MCC: variants seen among roughly 807,000 people sequenced by gnomAD.
MCC encodes the protein colorectal mutant cancer protein.
A neutral mutation model predicts 116.2 loss-of-function variants in MCC; 90 were observed. The observed-to-expected ratio is 0.77, with a 90% CI of 0.65 to 0.92. MCC has a LOEUF of 0.92. Ranked by LOEUF, MCC falls within the 40% of genes least tolerant of loss-of-function variation. The probability of loss-of-function intolerance (pLI) is 0.00; values close to 1 mark genes in which losing one functional copy is unlikely to be tolerated. For synonymous variants in MCC, 578 were observed against 510.5 expected, an observed-to-expected ratio of 1.13 and a Z score of -1.78; for missense variants, 1,516 against 1,312.2, an observed-to-expected ratio of 1.16 and a Z score of -2.40.
At chr5:113,213,089 C>T (rs1763189389) in intron 3 of MCC, among the ~76,000 whole-genome samples, 1 of 152,190 alleles carries the variant, frequency 6.6e-6, no homozygotes, top group Admixed American at 6.5e-5. Context: ...CTGTTTTCTA[C>T]AGGATTTTGA....
chr5:113,412,204 G>A (rs550093127), intron 1 of MCC, among the ~76,000 whole-genome samples: 57 of 152,248 alleles, frequency 3.7e-4, no homozygotes, highest in African/African-American at 1.3e-3. Flanking sequence ...GTCAGGTAGC[G>A]TGATGCCTCT....
In MCC at chr5:113,103,346, T is replaced by G. The variant is rs539769834; in HGVS notation, c.1191+846A>C. ...GTCCCTAGCTGGTTGGTAGAGGCCC[T>G]TGGCCTCCTCCTTCCCTCTCAACTC... On this transcript the variant is annotated intron_variant, in intron 7 of 18. Transcript: ENST00000408903. Among the ~76,000 whole-genome samples, 35 of 152,308 alleles carry G rather than the reference T, an allele frequency of 2.3e-4. No individual in the cohort carries two copies. In the South Asian group the frequency reaches 5.8e-3, roughly 25 times the overall value.
intron 3 of MCC, among the ~76,000 whole-genome samples, chr5:113,291,427 G>A (rs563864854): frequency 6.6e-6 from 1 of 152,324 alleles, no homozygotes; most frequent in African/African-American, 2.4e-5. Flanking sequence ...CAACATTACT[G>A]TCAAAGAGTC....
At chr5:113,048,997 T>G in intron 16 of MCC, 96 bp downstream of exon 16, 1 of 1,170,394 alleles carries the variant, frequency 8.5e-7, no homozygotes, top group South Asian at 1.4e-5. Context: ...ATACAAGAAC[T>G]GAGGCAGCAG....
In MCC at chr5:113,434,331, G is replaced by A. The variant is rs374634260; in HGVS notation, c.171-49119C>T. On this transcript the variant is annotated intron_variant, in intron 1 of 18. Coordinates refer to ENST00000408903, the MANE Select transcript of MCC (RefSeq NM_001085377.2). The surrounding 1 kb of genome is among the most constrained non-coding windows in gnomAD (Gnocchi z 4.2). ...TGACCCACAGAAGGTCTTGCTTAAT[G>A]CCATTCGACCACTGTCATCCCGCAG... is the stretch of plus-strand genomic sequence containing the variant. The A allele has an allele frequency of 3.7e-5, 59 of 1,613,764 alleles. No homozygotes were observed. Among genetic ancestry groups the A allele is most frequent in the Non-Finnish European group, 4.8e-5 (57 of 1,179,856 alleles).
intron 3 of MCC, among the ~76,000 whole-genome samples, chr5:113,293,837 G>C (rs1362124226): frequency 6.6e-6 from 1 of 152,160 alleles, no homozygotes; most frequent in Non-Finnish European, 1.5e-5. Flanking sequence ...CTAGGGAAGA[G>C]ACCACCTTGC....
intron 3 of MCC, among the ~76,000 whole-genome samples, chr5:113,274,586 C>T (rs1204720060): frequency 2.0e-5 from 3 of 152,154 alleles, no homozygotes; most frequent in African/African-American, 4.8e-5. Context: ...GTCTTGAACT[C>T]CTGACCTTTA....
chr5:113,227,202 C>A (rs547129838), intron 3 of MCC, among the ~76,000 whole-genome samples: 1 of 152,190 alleles, frequency 6.6e-6, no homozygotes, highest in African/African-American at 2.4e-5. Context: ...TCTCTAGACA[C>A]ATTTGAGACT....
chr5:113,248,958 C>T (rs1764681945), intron 3 of MCC, among the ~76,000 whole-genome samples: 1 of 152,006 alleles, frequency 6.6e-6, no homozygotes, highest in African/African-American at 2.4e-5. Flanking sequence ...ATTTTCCTGC[C>T]TCAGCCTCCC....
At chr5:113,112,179 G>A (rs1038043063) in intron 6 of MCC, among the ~76,000 whole-genome samples, 3 of 152,150 alleles carry the variant, frequency 2.0e-5, no homozygotes, top group African/African-American at 7.2e-5. Flanking sequence ...CTTCACACTA[G>A]TGGTTAGGTA....
At chr5:113,301,133 A>C (rs1309069373) in intron 3 of MCC, among the ~76,000 whole-genome samples, 2 of 152,218 alleles carry the variant, frequency 1.3e-5, no homozygotes, top group Non-Finnish European at 2.9e-5. Flanking sequence ...TCACAGAGCT[A>C]GCACTCTTGA....
intron 6 of MCC, among the ~76,000 whole-genome samples, chr5:113,121,552 C>A (rs1036793834): frequency 3.9e-5 from 6 of 152,198 alleles, no homozygotes; most frequent in African/African-American, 1.4e-4. Context: ...GGTCAAACGC[C>A]TTCCTAGAGG....
intron 5 of MCC, among the ~76,000 whole-genome samples, chr5:113,132,449 C>CATATATATAT (rs1237730823): frequency 1.8e-5 from 2 of 111,084 alleles, no homozygotes; most frequent in Non-Finnish European, 3.6e-5. Context: ...TATATACACA[C>CATATATATAT]ACACACACAC....
chr5:113,175,454 G>T (rs988152186), intron 3 of MCC, among the ~76,000 whole-genome samples: 2 of 152,150 alleles, frequency 1.3e-5, no homozygotes, highest in African/African-American at 4.8e-5. Context: ...ATTCCAGGAA[G>T]ACTAAGTTAA....
At chr5:113,060,215 G>C (rs1753124416) in intron 14 of MCC, among the ~76,000 whole-genome samples, 1 of 152,126 alleles carries the variant, frequency 6.6e-6, no homozygotes, top group Non-Finnish European at 1.5e-5. Context: ...GAGTGCAATA[G>C]CATGATTTGG....
At chr5:113,151,174 G>A in intron 4 of MCC, 135 bp downstream of exon 4, 1 of 609,172 alleles carries the variant, frequency 1.6e-6, no homozygotes, top group Admixed American at 3.1e-5. Flanking sequence ...AGCAGCCAGA[G>A]CAGACCAAGA....
At chr5:113,096,103 G>C (rs1240516199) in intron 8 of MCC, among the ~76,000 whole-genome samples, 4 of 152,204 alleles carry the variant, frequency 2.6e-5, no homozygotes, top group Non-Finnish European at 5.9e-5. Context: ...CCACATAGCA[G>C]GCAGCTTCCC....
intron 6 of MCC, among the ~76,000 whole-genome samples, chr5:113,118,899 T>C (rs901305071): frequency 6.6e-6 from 1 of 152,212 alleles, no homozygotes; most frequent in Non-Finnish European, 1.5e-5. Flanking sequence ...GAGCTGCCCC[T>C]GCCCGGTGCA....
chr5:113,056,101 C>T (rs888796079), intron 14 of MCC, among the ~76,000 whole-genome samples: 1 of 152,180 alleles, frequency 6.6e-6, no homozygotes, highest in African/African-American at 2.4e-5. Flanking sequence ...GTATAGATGT[C>T]TCCATATAGA....
Sources: allele counts gnomAD v4.1 joint callset (sites outside exome capture counted in the v4.1 genomes callset), GRCh38; gene constraint gnomAD v4.1.1; non-coding constraint Gnocchi (gnomAD v3.1); transcripts MANE v1.5; gene names NCBI Gene and HGNC (gene_info 2026-07-23, HGNC 2026-07-21).